AFF2: variants seen among roughly 807,000 people sequenced by gnomAD.
AFF2 encodes ALF transcription elongation factor 2.
In AFF2, 14 loss-of-function variants were observed where a neutral mutation model predicts 76.9. The ratio of observed to expected loss-of-function variants is 0.18; its 90% CI spans 0.12 to 0.28. The LOEUF is 0.28. Ranked by LOEUF, AFF2 falls within the 10% of genes least tolerant of loss-of-function variation. The pLI is 1.00. For missense variants in AFF2, 868 were observed against 1,001.1 expected (o/e 0.87, Z 1.79); for synonymous variants, 398 against 366.7 (o/e 1.09, Z -0.98).
chrX:148,848,049 C>T (rs1221560322), intron 7 of AFF2, among the ~76,000 whole-genome samples: 1 of 110,662 alleles, frequency 9.0e-6, no homozygotes, highest in Non-Finnish European at 1.9e-5. Flanking sequence ...AGGCTAAGGG[C>T]CCTGTGAGTT....
chrX:148,628,990 ATATG>A (rs200714090), intron 1 of AFF2, among the ~76,000 whole-genome samples: 1,550 of 112,036 alleles, frequency 0.014, 27 homozygotes, highest in African/African-American at 0.048. Context: ...CTGAAATAAA[ATATG>A]TATTTCCCAA....
chrX:148,897,211 C>G (rs1476277222), intron 8 of AFF2, among the ~76,000 whole-genome samples: 26 of 52,737 alleles, frequency 4.9e-4, no homozygotes, highest in African/African-American at 1.7e-3. Flanking sequence ...AAATATGAAG[C>G]CTTAGTCCAC....
At chrX:148,580,371 T>C (rs1603248232) in intron 1 of AFF2, among the ~76,000 whole-genome samples, 2 of 111,164 alleles carry the variant, frequency 1.8e-5, no homozygotes, top group East Asian at 5.7e-4. Flanking sequence ...ATATCCGTCA[T>C]TGGATATTTA....
intron 1 of AFF2, among the ~76,000 whole-genome samples, chrX:148,650,424 G>GT (rs2054192272): frequency 1.8e-5 from 2 of 111,806 alleles, no homozygotes; most frequent in African/African-American, 6.5e-5. Context: ...CCTAGATATG[G>GT]GGCCCTGGCT....
intron 3 of AFF2, among the ~76,000 whole-genome samples, chrX:148,803,782 G>A (rs1359489206): frequency 4.5e-5 from 5 of 111,017 alleles, no homozygotes; most frequent in Non-Finnish European, 7.6e-5. Flanking sequence ...CATACCTAAT[G>A]TAATCACTGA....
At chrX:148,893,860 G>T (rs1259589548) in intron 8 of AFF2, among the ~76,000 whole-genome samples, 1 of 111,852 alleles carries the variant, frequency 8.9e-6, no homozygotes, top group Non-Finnish European at 1.9e-5. Context: ...GAAGTGCCTG[G>T]AGAAAAGAGT....
At chrX:148,507,988 G>A (rs889618710) in intron 1 of AFF2, among the ~76,000 whole-genome samples, 8 of 112,305 alleles carry the variant, frequency 7.1e-5, no homozygotes, top group African/African-American at 2.6e-4. Context: ...ATCAGCTAAT[G>A]TTTCAAAGTA....
intron 11 of AFF2, among the ~76,000 whole-genome samples, chrX:148,957,461 G>A (rs2072054725): frequency 9.0e-6 from 1 of 111,032 alleles, no homozygotes; most frequent in South Asian, 4.0e-4. Context: ...CCAAAACAGA[G>A]GATATTCTCT....
intron 3 of AFF2, among the ~76,000 whole-genome samples, chrX:148,703,191 G>A (rs868983476): frequency 8.9e-6 from 1 of 111,872 alleles, no homozygotes; most frequent in African/African-American, 3.3e-5. Context: ...TAACAATGTG[G>A]TGATTCTCCA....
intron 9 of AFF2, among the ~76,000 whole-genome samples, chrX:148,944,992 G>A (rs7053028): frequency 0.013 from 1,430 of 111,456 alleles, 22 homozygotes; most frequent in African/African-American, 0.044. Context: ...TGCAAATTAA[G>A]GGAGAAACTG....
Position 148,962,817 on chromosome X carries a change from T to C in AFF2, c.2793T>C (p.Ser931=). The change falls in exon 13 of 21, where the codon AGT becomes AGC. Residue 931 remains serine (S), a synonymous_variant. Coordinates refer to ENST00000370460, the MANE Select transcript of AFF2 (RefSeq NM_002025.4). ...PEDPPRRRNV[S]GNNGPFGQDK... is the part of the protein sequence containing the mutation. ...ACCCTCCACGCCGCAGAAATGTCAG[T>C]GGCAATAATGGTCCCTTTGGTCAAG... 1.7e-6 allele frequency: 2 copies of C among 1,208,086 alleles called. No homozygotes were observed. Among genetic ancestry groups the C allele is most frequent in the Non-Finnish European group, 1.1e-6 (1 of 892,013 alleles).
In AFF2 at chrX:148,868,325, T is replaced by C. The variant is rs2283739; in HGVS notation, c.1263-17564T>C. Among the ~76,000 whole-genome samples, 42 of 112,166 alleles carry C rather than the reference T, an allele frequency of 3.7e-4. No homozygotes were observed. The East Asian group carries it at 0.01, about 27-fold the overall frequency. On this transcript the variant is annotated intron_variant, in intron 7 of 20. Transcript: ENST00000370460. ...CTGCAGACTCCATGCATCCCAATAG[T>C]GATTTTCAGAGACTGTGACTTCTGT...
At chrX:148,909,836 G>A (rs1366921432) in intron 9 of AFF2, among the ~76,000 whole-genome samples, 5 of 112,587 alleles carry the variant, frequency 4.4e-5, no homozygotes, top group Non-Finnish European at 7.5e-5. Context: ...CTCTGCAGCA[G>A]TCATCTCCAA....
chrX:148,654,947 A>G (rs896717855), intron 2 of AFF2, among the ~76,000 whole-genome samples: 7 of 111,413 alleles, frequency 6.3e-5, no homozygotes, highest in African/African-American at 2.3e-4. Flanking sequence ...ACTATCCTCA[A>G]CATTATAATG....
intron 3 of AFF2, among the ~76,000 whole-genome samples, chrX:148,732,440 G>A (rs1193691780): frequency 1.5e-5 from 1 of 64,876 alleles, no homozygotes; most frequent in South Asian, 1.5e-3. Flanking sequence ...TGGGGGGAGG[G>A]GGGAGGGGTA....
At chrX:148,657,434 T>C (rs1275924252) in intron 2 of AFF2, among the ~76,000 whole-genome samples, 1 of 112,502 alleles carries the variant, frequency 8.9e-6, no homozygotes, top group East Asian at 2.8e-4. Context: ...CTTGAATTAT[T>C]TTGCTACTTG....
chrX:148,504,689 C>CGAACT (rs2052388783), intron 1 of AFF2, among the ~76,000 whole-genome samples: 1 of 113,117 alleles, frequency 8.8e-6, no homozygotes, highest in South Asian at 3.6e-4. Context: ...CCCAGCAGTC[C>CGAACT]GAACTGCACT....
intron 9 of AFF2, among the ~76,000 whole-genome samples, chrX:148,923,713 G>C (rs1838385295): frequency 9.0e-6 from 1 of 111,631 alleles, no homozygotes; most frequent in Non-Finnish European, 1.9e-5. Flanking sequence ...ACACTCAATT[G>C]TTTGCTTTGT....
intron 7 of AFF2, among the ~76,000 whole-genome samples, chrX:148,874,713 T>C (rs2071016730): frequency 8.9e-6 from 1 of 111,955 alleles, no homozygotes; most frequent in African/African-American, 3.2e-5. Context: ...TTGTTGACAG[T>C]GGCCCTCCCT....
Sources: gnomAD v4.1 joint callset for allele counts (sites outside exome capture counted in the v4.1 genomes callset) on GRCh38, gnomAD v4.1.1 for gene constraint, MANE v1.5 for transcripts, NCBI Gene and HGNC (gene_info 2026-07-23, HGNC 2026-07-21) for gene names.